AFF2: variants seen among roughly 807,000 people sequenced by gnomAD.
AFF2 encodes the protein ALF transcription elongation factor 2.
AFF2 carries 14 observed loss-of-function variants against 76.9 expected under a neutral mutation model. That is an observed-to-expected ratio of 0.18 (90% CI 0.12 to 0.28). The LOEUF is 0.28. AFF2 is among the 10% of genes least tolerant of loss of function. The pLI is 1.00. For synonymous variants in AFF2, 398 were observed against 366.7 expected (o/e 1.09, Z -0.98); for missense variants, 868 against 1,001.1 (o/e 0.87, Z 1.79).
intron 3 of AFF2, among the ~76,000 whole-genome samples, chrX:148,747,600 T>C (rs2055436668): frequency 1.8e-5 from 2 of 111,719 alleles, no homozygotes; most frequent in African/African-American, 6.5e-5. Flanking sequence ...TGTTTACACA[T>C]CTCTTTATTT....
intron 3 of AFF2, among the ~76,000 whole-genome samples, chrX:148,691,571 A>G (rs1433771016): frequency 9.0e-6 from 1 of 111,578 alleles, no homozygotes; most frequent in Non-Finnish European, 1.9e-5. Context: ...GAGCCAAATC[A>G]TGAAGTGTGA....
rs200306870 is a variant in AFF2 at position 148,837,681 on chromosome X, C to A, written c.1121C>A (p.Ser374Tyr). Residue 374 changes from serine to tyrosine, a missense_variant, in exon 5 of 21, where the codon TCC becomes TAC. Physicochemically the swap from Ser to Tyr is moderately radical, Grantham distance 144. Around this residue, in one of 6 missense-constraint regions of AFF2, gnomAD observed 532 missense variants for 564.2 expected, o/e 0.94. Transcript: ENST00000370460. Reference sequence around the variant, plus strand: ...CATTCCTGGCCTACTCCTCTCACTTCCATGCATACTGCTGGACACTCTGAG... The same window carrying A: ...CATTCCTGGCCTACTCCTCTCACTTACATGCATACTGCTGGACACTCTGAG... ...MTHSWPTPLT[S>Y]MHTAGHSEQS... is the part of the protein sequence containing the mutation. The A allele has an allele frequency of 3.1e-4, 374 of 1,199,259 alleles. 2 individuals carry two copies. In the East Asian group the frequency reaches 9.2e-3, roughly 30 times the overall value.
intron 16 of AFF2, among the ~76,000 whole-genome samples, 154 bp from the exon 17 acceptor site, chrX:148,977,779 C>T (rs1308002238): frequency 9.0e-6 from 1 of 111,304 alleles, no homozygotes; most frequent in Non-Finnish European, 1.9e-5. Flanking sequence ...TGTATGTTTT[C>T]GGGGAAGCAT....
intron 2 of AFF2, among the ~76,000 whole-genome samples, chrX:148,656,407 C>A (rs1337168474): frequency 9.0e-6 from 1 of 110,965 alleles, no homozygotes; most frequent in Non-Finnish European, 1.9e-5. Context: ...TATGTGTATG[C>A]TCATTTAGTC....
At chrX:148,975,040 G>C (rs781973865) in intron 16 of AFF2, among the ~76,000 whole-genome samples, 79 of 111,791 alleles carry the variant, frequency 7.1e-4, no homozygotes, top group African/African-American at 2.5e-3. Context: ...AAATTAACAA[G>C]AAAACGTAAC....
At chrX:148,958,768 A>C (rs782729036) in intron 12 of AFF2, among the ~76,000 whole-genome samples, 2 of 111,436 alleles carry the variant, frequency 1.8e-5, no homozygotes, top group East Asian at 2.8e-4. Context: ...AAAAGGAAGT[A>C]AATAAATTAA....
chrX:148,838,248 T>C (rs1227784169), intron 5 of AFF2, among the ~76,000 whole-genome samples: 1 of 112,418 alleles, frequency 8.9e-6, no homozygotes, highest in Non-Finnish European at 1.9e-5. Flanking sequence ...AGTTGCTTTA[T>C]TGCCATCACT....
intron 1 of AFF2, among the ~76,000 whole-genome samples, chrX:148,555,121 A>G (rs2053038005): frequency 8.9e-6 from 1 of 111,957 alleles, no homozygotes; most frequent in Non-Finnish European, 1.9e-5. Flanking sequence ...TGTGTTTCAC[A>G]TTTCATGATC....
At chrX:148,601,544 G>A (rs1557248069) in intron 1 of AFF2, among the ~76,000 whole-genome samples, 2 of 111,223 alleles carry the variant, frequency 1.8e-5, no homozygotes, top group African/African-American at 6.5e-5. Context: ...AAATTTTCTT[G>A]GCATTTAACT....
chrX:148,581,781 A>G (rs2053416778), intron 1 of AFF2, among the ~76,000 whole-genome samples: 1 of 112,674 alleles, frequency 8.9e-6, no homozygotes, highest in Non-Finnish European at 1.9e-5. Context: ...CTTACTAAAA[A>G]TAAAGATTCT....
chrX:148,687,874 T>G (rs2054614258), intron 3 of AFF2, among the ~76,000 whole-genome samples: 1 of 111,166 alleles, frequency 9.0e-6, no homozygotes, highest in African/African-American at 3.3e-5. Context: ...TTTCTGTATT[T>G]GATAGCTACT....
chrX:148,827,767 TG>T (rs2070405779), intron 4 of AFF2, among the ~76,000 whole-genome samples: 1 of 112,275 alleles, frequency 8.9e-6, no homozygotes, highest in South Asian at 3.7e-4. Context: ...CACCAGACCC[TG>T]TACCGGGACC....
chrX:148,586,535 C>A (rs2053471385), intron 1 of AFF2, among the ~76,000 whole-genome samples: 1 of 111,594 alleles, frequency 9.0e-6, no homozygotes, highest in South Asian at 3.7e-4. Flanking sequence ...ACTTCTCAAT[C>A]TGAGCTCTGT....
chrX:148,771,930 C>T (rs992862366), intron 3 of AFF2, among the ~76,000 whole-genome samples: 9 of 111,188 alleles, frequency 8.1e-5, no homozygotes, highest in African/African-American at 2.3e-4. Flanking sequence ...AGTAGGAAGA[C>T]GAGACCCCAG....
chrX:148,574,003 A>C (rs1159078479), intron 1 of AFF2, among the ~76,000 whole-genome samples: 1 of 111,111 alleles, frequency 9.0e-6, no homozygotes, highest in Non-Finnish European at 1.9e-5. Context: ...GAGACAAAGG[A>C]TAAGCCAACA....
intron 1 of AFF2, among the ~76,000 whole-genome samples, chrX:148,577,312 C>T (rs1206502338): frequency 1.8e-5 from 2 of 112,242 alleles, no homozygotes; most frequent in African/African-American, 3.2e-5. Context: ...CACACACGTG[C>T]GCACAAGTCA....
At chrX:148,553,236 C>T (rs1415149285) in intron 1 of AFF2, among the ~76,000 whole-genome samples, 4 of 111,524 alleles carry the variant, frequency 3.6e-5, no homozygotes, top group African/African-American at 1.3e-4. Flanking sequence ...AGACACAGAC[C>T]AACTCTGTCC....
chrX:148,871,780 A>G (rs782734012), intron 7 of AFF2, among the ~76,000 whole-genome samples: 19 of 111,559 alleles, frequency 1.7e-4, no homozygotes, highest in Non-Finnish European at 3.0e-4. Flanking sequence ...CACCCCATCC[A>G]GACAGCTGTC....
At chrX:148,558,936 C>T (rs886879700) in intron 1 of AFF2, among the ~76,000 whole-genome samples, 79 of 111,313 alleles carry the variant, frequency 7.1e-4, no homozygotes, top group African/African-American at 2.5e-3. Context: ...AGAAACATGC[C>T]ACTCAAATAC....
Sources: gnomAD v4.1 joint callset for allele counts (sites outside exome capture counted in the v4.1 genomes callset) on GRCh38, gnomAD v4.1.1 for gene constraint, gnomAD v4.1.1 regional missense constraint, MANE v1.5 for transcripts, NCBI Gene and HGNC (gene_info 2026-07-23, HGNC 2026-07-21) for gene names.